Variants in TENM3 observed in about 807,000 individuals in gnomAD.
The protein encoded by TENM3 is teneurin transmembrane protein 3.
A neutral mutation model predicts 255.1 loss-of-function variants in TENM3; 63 were observed. The observed-to-expected ratio is 0.25, with a 90% CI of 0.20 to 0.30. TENM3 has a LOEUF of 0.30. TENM3 is among the 10% of genes least tolerant of loss of function. The probability of loss-of-function intolerance (pLI) is 1.00; values close to 1 mark genes in which losing one functional copy is unlikely to be tolerated. For missense variants in TENM3, 2,929 were observed against 3,461.1 expected, an observed-to-expected ratio of 0.85 and a Z score of 3.86; for synonymous variants, 1,306 against 1,322.3, an observed-to-expected ratio of 0.99 and a Z score of 0.27.
the TENM3 span, among the ~76,000 whole-genome samples, chr4:181,565,026 A>G: frequency 0.14 from 21,132 of 152,156 alleles, 1,611 homozygotes; most frequent in Middle Eastern, 0.22. Flanking sequence ...TATTACCGCA[A>G]TTGTATATAT....
intron 3 of TENM3, among the ~76,000 whole-genome samples, chr4:182,364,872 A>G (rs1258120756): frequency 6.6e-6 from 1 of 152,212 alleles, no homozygotes; most frequent in Non-Finnish European, 1.5e-5. Context: ...ATTCTGCAAT[A>G]ATGATCTCAG....
At chr4:181,893,486 T>TTCCC in the TENM3 span, among the ~76,000 whole-genome samples, 3 of 11,364 alleles carry the variant, frequency 2.6e-4, no homozygotes, top group Non-Finnish European at 7.0e-4. Context: ...CACTTTCCCC[T>TTCCC]GCCCACCCCC....
chr4:181,582,861 G>C, the TENM3 span, among the ~76,000 whole-genome samples: 2 of 152,136 alleles, frequency 1.3e-5, no homozygotes, highest in African/African-American at 4.8e-5. Context: ...TGGATGTAAG[G>C]TAGGAAGGAT....
At chr4:181,963,570 CAGAGGGAATTGGAATTTTTG>C in the TENM3 span, among the ~76,000 whole-genome samples, 6 of 152,096 alleles carry the variant, frequency 3.9e-5, no homozygotes, top group Non-Finnish European at 5.9e-5. Flanking sequence ...AATTTGAATT[CAGAGGGAATTGGAATTTTTG>C]CGTGTATGAG....
chr4:181,569,752 A>G, the TENM3 span, among the ~76,000 whole-genome samples: 2 of 152,194 alleles, frequency 1.3e-5, no homozygotes, highest in Non-Finnish European at 2.9e-5. Context: ...GTCAGGAACA[A>G]TAAGAGTCAG....
At chr4:181,888,000 T>TTATTC in the TENM3 span, among the ~76,000 whole-genome samples, 5 of 152,148 alleles carry the variant, frequency 3.3e-5, no homozygotes, top group South Asian at 2.1e-4. Context: ...AGGCTCAATT[T>TTATTC]TATTCTATTC....
chr4:182,799,760 C>A lies in TENM3; in HGVS notation c.7509C>A (p.Ala2503=). ...TGATCGGCAAGGGCGTCATGCTGGC[C>A]GTCAGCCAGGGCCGCGTGCAGACCA... The part of the protein sequence containing the change: ...KSLIGKGVML[A]VSQGRVQTNV... The change falls in exon 28 of 28, where the codon GCC becomes GCA. Residue 2503 remains alanine (A), a synonymous_variant. Transcript: ENST00000511685. The surrounding 1 kb of genome is among the most constrained non-coding windows in gnomAD (Gnocchi z 4.2). 1.3e-6 allele frequency: 2 copies of A among 1,575,994 alleles called. No homozygotes were observed. The highest frequency in any genetic ancestry group is 1.7e-6 in the Non-Finnish European group (2 of 1,162,020).
At chr4:181,503,644 G>C in the TENM3 span, among the ~76,000 whole-genome samples, 1 of 152,096 alleles carries the variant, frequency 6.6e-6, no homozygotes, top group African/African-American at 2.4e-5. Context: ...CAGAGGATGG[G>C]GAGCGTCTGG....
chr4:182,002,064 G>A, the TENM3 span, among the ~76,000 whole-genome samples: 4 of 151,974 alleles, frequency 2.6e-5, no homozygotes, highest in African/African-American at 4.8e-5. Context: ...CTTGGTTTTC[G>A]ACTTATTGAG....
At chr4:181,887,468 CT>C in the TENM3 span, among the ~76,000 whole-genome samples, 1 of 152,108 alleles carries the variant, frequency 6.6e-6, no homozygotes, top group East Asian at 1.9e-4. Context: ...TTCTGGTTCT[CT>C]TTTTTTCCGT....
chr4:181,926,973 C>G, the TENM3 span, among the ~76,000 whole-genome samples: 1 of 152,044 alleles, frequency 6.6e-6, no homozygotes, highest in Admixed American at 6.6e-5. Context: ...GAACGGTGCA[C>G]TCCAGCCCAG....
chr4:182,147,229 G>A (rs895334576), intron 1 of TENM3, among the ~76,000 whole-genome samples: 2 of 152,172 alleles, frequency 1.3e-5, no homozygotes, highest in Non-Finnish European at 2.9e-5. Context: ...TGTGAGTAGA[G>A]TGACCTGTCA....
At chr4:182,515,137 G>A (rs1043247001) in intron 3 of TENM3, among the ~76,000 whole-genome samples, 1 of 152,178 alleles carries the variant, frequency 6.6e-6, no homozygotes, top group Non-Finnish European at 1.5e-5. Context: ...TGTTCTGGGG[G>A]AGAATAGGTT....
the TENM3 span, among the ~76,000 whole-genome samples, chr4:181,538,562 G>A: frequency 6.6e-6 from 1 of 152,060 alleles, no homozygotes. Context: ...ACTATGGGAA[G>A]CATGTCCAGA....
chr4:182,475,297 C>A (rs528120893), intron 3 of TENM3, among the ~76,000 whole-genome samples: 2 of 152,124 alleles, frequency 1.3e-5, no homozygotes, highest in African/African-American at 2.4e-5. Context: ...AAAAATTATT[C>A]TTTTTAAAAT....
At chr4:181,742,649 CT>C in the TENM3 span, among the ~76,000 whole-genome samples, 38 of 151,238 alleles carry the variant, frequency 2.5e-4, no homozygotes, top group Admixed American at 1.3e-4. Context: ...ATTGGAAGTG[CT>C]TTTTTTTGCT....
chr4:181,698,661 A>G, the TENM3 span, among the ~76,000 whole-genome samples: 1 of 152,266 alleles, frequency 6.6e-6, no homozygotes, highest in Admixed American at 6.5e-5. Context: ...TCTAACCTCA[A>G]ATCTGCCAAA....
chr4:182,794,281 A>G (rs1766330629), intron 26 of TENM3, among the ~76,000 whole-genome samples: 1 of 152,346 alleles, frequency 6.6e-6, no homozygotes, highest in East Asian at 1.9e-4. Flanking sequence ...TCCCTTAACT[A>G]TAAAATTGGG....
intron 3 of TENM3, among the ~76,000 whole-genome samples, chr4:182,516,578 T>C (rs1273184694): frequency 1.3e-5 from 2 of 152,188 alleles, no homozygotes; most frequent in African/African-American, 2.4e-5. Flanking sequence ...ATAAAGTCTG[T>C]AACGTGTAAG....
Sources: allele counts gnomAD v4.1 joint callset (sites outside exome capture counted in the v4.1 genomes callset), GRCh38; gene constraint gnomAD v4.1.1; non-coding constraint Gnocchi (gnomAD v3.1); transcripts MANE v1.5; gene names NCBI Gene and HGNC (gene_info 2026-07-23, HGNC 2026-07-21).